The following DGKH variants were observed in gnomAD, a reference collection of about 807,000 sequenced individuals.
DGKH encodes the protein diacylglycerol kinase eta, also known as DAG kinase eta.
DGKH carries 90 observed loss-of-function variants against 159.3 expected under a neutral mutation model. The observed-to-expected ratio is 0.57, with a 90% CI of 0.48 to 0.67. DGKH has a LOEUF of 0.67. Ranked by LOEUF, DGKH falls within the 30% of genes least tolerant of loss-of-function variation. The probability of loss-of-function intolerance (pLI) is 0.00; values close to 1 mark genes in which losing one functional copy is unlikely to be tolerated. For synonymous variants in DGKH, 536 were observed against 553.8 expected, an observed-to-expected ratio of 0.97 and a Z score of 0.45; for missense variants, 1,181 against 1,506.1, an observed-to-expected ratio of 0.78 and a Z score of 3.57.
At chr13:42,082,601 C>T (rs1189085443) in intron 1 of DGKH, among the ~76,000 whole-genome samples, 2 of 152,120 alleles carry the variant, frequency 1.3e-5, no homozygotes, top group East Asian at 3.8e-4. Context: ...CACTGCTTGT[C>T]CTGCAGTAGA....
intron 1 of DGKH, among the ~76,000 whole-genome samples, chr13:42,076,335 G>A (rs1954098209): frequency 1.3e-5 from 2 of 152,158 alleles, no homozygotes; most frequent in African/African-American, 2.4e-5. Flanking sequence ...TTCCATGTAT[G>A]CTATATTTGT....
In DGKH at chr13:42,233,538, A is replaced by G. The variant is rs1958350741; in HGVS notation, c.*4350A>G. Reference sequence around the variant, plus strand: ...ATTCATTCTTCAGCTAACTCCAGCAATGAGCTGAAACTCATTCATCACCCT... The same window carrying G: ...ATTCATTCTTCAGCTAACTCCAGCAGTGAGCTGAAACTCATTCATCACCCT... On this transcript the variant is annotated 3_prime_UTR_variant, in exon 30 of 30. Coordinates refer to ENST00000337343, the MANE Select transcript of DGKH (RefSeq NM_178009.5). The G allele has an allele frequency of 6.6e-6, 1 of 152,204 alleles. No individual in the cohort carries two copies. The highest frequency in any genetic ancestry group is 1.5e-5 in the Non-Finnish European group (1 of 68,038). The allele number at this position is 152,204 out of a possible 1,614,324, so 9.4% of individuals were successfully genotyped here. A position where few individuals can be genotyped will look rare whatever the true frequency, so the allele number is the denominator to read the frequency against.
chr13:42,099,286 T>A (rs1158226756), intron 1 of DGKH, among the ~76,000 whole-genome samples: 1 of 152,204 alleles, frequency 6.6e-6, no homozygotes, highest in Non-Finnish European at 1.5e-5. Context: ...GTCCATTCAA[T>A]CTAGTGCCTC....
At chr13:42,068,939 A>G in intron 1 of DGKH, 1 of 1,414,584 alleles carries the variant, frequency 7.1e-7, no homozygotes. Flanking sequence ...GTTTTAGTTC[A>G]GATGTTCAGA....
At chr13:42,244,358 A>C (rs1036356912), downstream of DGKH, among the ~76,000 whole-genome samples, 2 of 152,208 alleles carry the variant, frequency 1.3e-5, no homozygotes, top group Non-Finnish European at 2.9e-5. Context: ...TGCCAGAGGA[A>C]GAAGCCGGAG....
At chr13:42,219,889 A>G in intron 28 of DGKH, 95 bp downstream of exon 28, 2 of 1,096,802 alleles carry the variant, frequency 1.8e-6, no homozygotes, top group Middle Eastern at 2.0e-4. Flanking sequence ...CTGGAGCTAG[A>G]TGGTGGTTGA....
chr13:42,149,869 T>A (rs1375441597), intron 3 of DGKH, among the ~76,000 whole-genome samples: 1 of 152,192 alleles, frequency 6.6e-6, no homozygotes, highest in Non-Finnish European at 1.5e-5. Flanking sequence ...AAACTCTTAT[T>A]TTTCAAACAC....
intron 13 of DGKH, among the ~76,000 whole-genome samples, chr13:42,185,047 A>C (rs1325983271): frequency 6.6e-6 from 1 of 152,080 alleles, no homozygotes; most frequent in Non-Finnish European, 1.5e-5. Context: ...ATAGTTGGAG[A>C]ATATCTTTTG....
intron 1 of DGKH, among the ~76,000 whole-genome samples, chr13:42,077,939 C>A (rs1954130868): frequency 6.6e-6 from 1 of 152,074 alleles, no homozygotes; most frequent in Non-Finnish European, 1.5e-5. Context: ...CTGTTTATTT[C>A]TTTAAAAGAG....
chr13:42,071,773 C>T (rs9566907), intron 1 of DGKH, among the ~76,000 whole-genome samples: 6,566 of 152,280 alleles, frequency 0.043, 287 homozygotes, highest in South Asian at 0.11. Context: ...CGCGGACAGC[C>T]CCCAATGTCA....
intron 1 of DGKH, among the ~76,000 whole-genome samples, chr13:42,054,637 G>A (rs1454531175): frequency 6.6e-6 from 1 of 152,196 alleles, no homozygotes; most frequent in East Asian, 1.9e-4. Flanking sequence ...CTGAGAATAA[G>A]TTCTTATTCT....
At chr13:42,043,212 T>TCA (rs1880618651) in intron 1 of DGKH, among the ~76,000 whole-genome samples, 1 of 152,228 alleles carries the variant, frequency 6.6e-6, no homozygotes, top group African/African-American at 2.4e-5. Flanking sequence ...TGTGTATATA[T>TCA]ATATGTAAAA....
At chr13:42,057,609 C>T in intron 1 of DGKH, among the ~76,000 whole-genome samples, 1 of 152,196 alleles carries the variant, frequency 6.6e-6, no homozygotes, top group Non-Finnish European at 1.5e-5. Flanking sequence ...TCTCAGTTTA[C>T]TCCTTTGTTG....
At chr13:42,177,072 A>G (rs1956622003) in intron 12 of DGKH, among the ~76,000 whole-genome samples, 1 of 152,200 alleles carries the variant, frequency 6.6e-6, no homozygotes, top group South Asian at 2.1e-4. Flanking sequence ...ATACATACAG[A>G]AGAGTGCACA....
chr13:42,225,910 C>T (rs543691350), intron 29 of DGKH, among the ~76,000 whole-genome samples: 13 of 151,998 alleles, frequency 8.6e-5, no homozygotes, highest in African/African-American at 2.9e-4. Flanking sequence ...CAAACTAAAA[C>T]GTCAAAAGCA....
downstream of DGKH, among the ~76,000 whole-genome samples, chr13:42,247,790 A>C (rs1958593070): frequency 6.6e-6 from 1 of 152,206 alleles, no homozygotes; most frequent in Non-Finnish European, 1.5e-5. Context: ...AAGTTTAAAA[A>C]GTAAAAAAGT....
rs202090141 is a variant in DGKH at position 42,168,786 on chromosome 13, A to G, written c.1335A>G (p.Lys445=). Residue 445 remains lysine (K), a synonymous_variant, in exon 11 of 30, where the codon AAA becomes AAG. Coordinates refer to ENST00000337343, the MANE Select transcript of DGKH (RefSeq NM_178009.5). ...CCCAACTTCCTCAGATCCTAGAGAA[A>G]CTGGAACGAGCCAGTACCAAAATGT... ...DDTQLPQILE[K]LERASTKMLD... 2.5e-5 allele frequency: 40 copies of G among 1,614,050 alleles called. No individual in the cohort carries two copies. In the East Asian group the frequency reaches 8.7e-4, roughly 35 times the overall value.
chr13:42,040,112 G>C (rs1880380479), exon 1 of DGKH: 1 of 152,286 alleles, frequency 6.6e-6, no homozygotes, highest in African/African-American at 2.4e-5. Context: ...CTGAGTTTTC[G>C]CTCCGCTGAA....
In DGKH at chr13:42,174,078, T is replaced by C. The variant is rs773717959; in HGVS notation, c.1386T>C (p.Tyr462=). The C allele has an allele frequency of 1.2e-6, 2 of 1,613,734 alleles. No individual in the cohort carries two copies. Among genetic ancestry groups the C allele is most frequent in the South Asian group, 1.1e-5 (1 of 91,024 alleles). The change falls in exon 12 of 30, where the codon TAT becomes TAC. Residue 462 remains tyrosine (Y), a synonymous_variant. Transcript: ENST00000337343. ...CCTTCAGGTGGAGTATAATGACATA[T>C]GAACTCAAATTGCCACCAAAAGCTT... ...KMLDRWSIMT[Y]ELKLPPKASL...
Sources: allele counts gnomAD v4.1 joint callset (sites outside exome capture counted in the v4.1 genomes callset), GRCh38; gene constraint gnomAD v4.1.1; transcripts MANE v1.5; gene names NCBI Gene and HGNC (gene_info 2026-07-23, HGNC 2026-07-21).